The following OCA2 variants were observed in gnomAD, a reference collection of about 807,000 sequenced individuals.
OCA2 encodes the protein P protein.
A neutral mutation model predicts 100.2 loss-of-function variants in OCA2; 77 were observed. That is an observed-to-expected ratio of 0.77 (90% CI 0.64 to 0.93). The LOEUF (loss-of-function observed/expected upper bound fraction) is 0.93, where lower values mean the gene tolerates loss of function less well. OCA2 is among the 40% of genes least tolerant of loss of function. The pLI is 0.00. For synonymous variants in OCA2, 432 were observed against 439.2 expected, an observed-to-expected ratio of 0.98 and a Z score of 0.21; for missense variants, 1,062 against 1,089.1, an observed-to-expected ratio of 0.98 and a Z score of 0.35.
chr15:27,904,229 G>C (rs999354081), intron 19 of OCA2, among the ~76,000 whole-genome samples: 2 of 152,126 alleles, frequency 1.3e-5, no homozygotes, highest in Non-Finnish European at 2.9e-5. Context: ...AAATCCACCC[G>C]ACCCAGCCCC....
At chr15:27,858,388 G>GAAAAAAA (rs200488887) in intron 21 of OCA2, among the ~76,000 whole-genome samples, 3 of 49,386 alleles carry the variant, frequency 6.1e-5, no homozygotes, top group Non-Finnish European at 1.3e-4. Flanking sequence ...AAGAAAGAAA[G>GAAAAAAA]AAAAAAAAAA....
chr15:27,891,402 C>T (rs1208739922), intron 19 of OCA2, among the ~76,000 whole-genome samples: 2 of 152,144 alleles, frequency 1.3e-5, no homozygotes, highest in Non-Finnish European at 2.9e-5. Context: ...GTACTGGAAA[C>T]AGAGGAAATA....
rs575670488 is a variant in OCA2 at position 27,922,682 on chromosome 15, T to G, written c.2079+3445A>C. On this transcript the variant is annotated intron_variant, in intron 19 of 23. Transcript: ENST00000354638. ...AGCTTTTGTGGTTTTTTGTTTGGGG[T>G]GTGTGTGTGTGTGTGTGTGTGTGTG... Among the ~76,000 whole-genome samples, 343 of 36,286 alleles carry G rather than the reference T, an allele frequency of 9.5e-3. 1 individual carries two copies. Among genetic ancestry groups the G allele is most frequent in the African/African-American group, 0.081 (244 of 2,994 alleles). 23.8% of individuals were successfully genotyped at this position (36,286 alleles called of 152,430 possible).
chr15:27,778,428 G>A lies in OCA2; in HGVS notation c.2433-22956C>T, dbSNP rs150600154. On this transcript the variant is annotated intron_variant, in intron 23 of 23. Coordinates refer to ENST00000354638, the MANE Select transcript of OCA2 (RefSeq NM_000275.3). ...AGTCTGTGTTTGGTGAGGTCACTCC[G>A]AGAGGAGGTTTGGGGCTGATTTGAT... Among the ~76,000 whole-genome samples, 11 of 152,326 alleles carry A rather than the reference G, an allele frequency of 7.2e-5. No homozygotes were observed. The East Asian group carries it at 1.4e-3, about 19-fold the overall frequency.
chr15:27,913,078 G>A (rs560142548), intron 19 of OCA2, among the ~76,000 whole-genome samples: 10 of 152,252 alleles, frequency 6.6e-5, no homozygotes, highest in African/African-American at 1.2e-4. Context: ...GAATTTAGAC[G>A]AAATTCAAGA....
At chr15:27,772,599 T>C (rs558618620) in intron 23 of OCA2, among the ~76,000 whole-genome samples, 1 of 152,022 alleles carries the variant, frequency 6.6e-6, no homozygotes, top group African/African-American at 2.4e-5. Context: ...TCCCAGCACT[T>C]TGGGAGGCCG....
chr15:27,738,243 A>G, the OCA2 span, among the ~76,000 whole-genome samples: 1 of 152,206 alleles, frequency 6.6e-6, no homozygotes. Flanking sequence ...TAAGACCTAG[A>G]AACAAAAAAC....
intron 2 of OCA2, among the ~76,000 whole-genome samples, chr15:28,050,260 G>A (rs1423884731): frequency 2.6e-5 from 4 of 152,006 alleles, no homozygotes; most frequent in African/African-American, 9.7e-5. Flanking sequence ...ACTCCAGTCT[G>A]GGCAACAGAG....
chr15:28,015,338 C>T (rs191776951), intron 8 of OCA2, among the ~76,000 whole-genome samples: 7 of 152,226 alleles, frequency 4.6e-5, no homozygotes, highest in Admixed American at 2.6e-4. Flanking sequence ...TGCAAGTGAC[C>T]ACAGGTCTGT....
intron 2 of OCA2, among the ~76,000 whole-genome samples, chr15:28,055,951 G>A (rs527886779): frequency 3.3e-5 from 5 of 152,298 alleles, no homozygotes; most frequent in South Asian, 4.2e-4. Context: ...GAACTCAACC[G>A]GGATCTGACT....
At chr15:27,741,567 T>C in the OCA2 span, among the ~76,000 whole-genome samples, 1 of 152,210 alleles carries the variant, frequency 6.6e-6, no homozygotes, top group Non-Finnish European at 1.5e-5. Context: ...GTCAAGTTAC[T>C]GAATGTTTTG....
At position 27,957,352 on chromosome 15, in the gene OCA2, C is replaced by T. The variant is rs934225797; in HGVS notation, c.1784+236G>A. Among the ~76,000 whole-genome samples, 9 of 152,156 alleles carry T rather than the reference C, an allele frequency of 5.9e-5. No homozygotes were observed. The highest frequency in any genetic ancestry group is 4.1e-4 in the South Asian group (2 of 4,826). Reference sequence around the variant, plus strand: ...CTTCCGAGCTGCACAACCCTGGGCACGCCGCTCAAATTCTCTGAGCCTCTG... The same window carrying T: ...CTTCCGAGCTGCACAACCCTGGGCATGCCGCTCAAATTCTCTGAGCCTCTG... On this transcript the variant is annotated intron_variant, in intron 16 of 23. Coordinates refer to ENST00000354638, the MANE Select transcript of OCA2 (RefSeq NM_000275.3). The surrounding 1 kb of genome is among the most constrained non-coding windows in gnomAD (Gnocchi z 4.3).
At chr15:28,087,574 C>A (rs901678546) in intron 1 of OCA2, among the ~76,000 whole-genome samples, 1 of 151,882 alleles carries the variant, frequency 6.6e-6, no homozygotes, top group Non-Finnish European at 1.5e-5. Flanking sequence ...GGCAAAATCC[C>A]ATCTCTATTA....
At chr15:27,922,995 T>C (rs2038921503) in intron 19 of OCA2, among the ~76,000 whole-genome samples, 1 of 152,130 alleles carries the variant, frequency 6.6e-6, no homozygotes, top group Admixed American at 6.5e-5. Context: ...CCCCAGTGTG[T>C]GTTGTTCCCC....
chr15:27,914,659 G>A (rs1436902408), intron 19 of OCA2, among the ~76,000 whole-genome samples: 1 of 150,766 alleles, frequency 6.6e-6, no homozygotes, highest in Admixed American at 6.6e-5. Context: ...TAACCAGGGA[G>A]GTGAAAGAGC....
chr15:28,015,655 G>A (rs571546720), intron 8 of OCA2, among the ~76,000 whole-genome samples: 112 of 152,190 alleles, frequency 7.4e-4, no homozygotes, highest in African/African-American at 2.6e-3. Context: ...CCTTGACCTC[G>A]GACTTCCAGC....
chr15:27,915,190 A>G (rs1047004711), intron 19 of OCA2, among the ~76,000 whole-genome samples: 32 of 152,326 alleles, frequency 2.1e-4, no homozygotes, highest in Non-Finnish European at 2.8e-4. Context: ...CCTTCCTTCC[A>G]TCACATACAA....
chr15:27,925,393 A>G (rs1409917920), intron 19 of OCA2, among the ~76,000 whole-genome samples: 4 of 152,228 alleles, frequency 2.6e-5, no homozygotes, highest in African/African-American at 9.6e-5. Context: ...TGTGACCACA[A>G]CTGAATTAAA....
chr15:28,054,904 G>C (rs1247907044), intron 2 of OCA2, among the ~76,000 whole-genome samples: 1 of 152,194 alleles, frequency 6.6e-6, no homozygotes, highest in Admixed American at 6.5e-5. Context: ...AGAGAAGAAT[G>C]AGAGCAGAGC....
Sources: allele counts gnomAD v4.1 joint callset (sites outside exome capture counted in the v4.1 genomes callset), GRCh38; gene constraint gnomAD v4.1.1; non-coding constraint Gnocchi (gnomAD v3.1); transcripts MANE v1.5; gene names NCBI Gene and HGNC (gene_info 2026-07-23, HGNC 2026-07-21).